Variants in EPHA5 observed in about 807,000 individuals in gnomAD.
EPHA5 encodes EPH receptor A5, also known as ephrin type-A receptor 5.
A neutral mutation model predicts 105.0 loss-of-function variants in EPHA5; 60 were observed. The observed-to-expected ratio is 0.57, with a 90% CI of 0.46 to 0.71. EPHA5 has a LOEUF of 0.71. Among genes scored for constraint, EPHA5 ranks in the 30% least tolerant of loss-of-function variants. The pLI is 0.00. For synonymous variants in EPHA5, 513 were observed against 449.1 expected (o/e 1.14, Z -1.80); for missense variants, 1,218 against 1,274.7 (o/e 0.96, Z 0.68).
chr4:65,536,343 A>C (rs986962838), intron 3 of EPHA5, among the ~76,000 whole-genome samples: 2 of 151,926 alleles, frequency 1.3e-5, no homozygotes, highest in Non-Finnish European at 2.9e-5. Flanking sequence ...CCTTTATTTA[A>C]ACATTTTTAA....
chr4:65,636,259 G>A (rs1339691030), intron 2 of EPHA5, among the ~76,000 whole-genome samples: 1 of 152,116 alleles, frequency 6.6e-6, no homozygotes, highest in Middle Eastern at 3.2e-3. Flanking sequence ...TGGTCTAACA[G>A]TGGATAGAAT....
At chr4:65,558,144 C>T (rs574699844) in intron 3 of EPHA5, among the ~76,000 whole-genome samples, 30 of 152,116 alleles carry the variant, frequency 2.0e-4, no homozygotes, top group African/African-American at 6.0e-4. Flanking sequence ...CCCAAAGTGG[C>T]GGGATTACAG....
intron 3 of EPHA5, among the ~76,000 whole-genome samples, chr4:65,559,647 T>G (rs899532068): frequency 6.6e-6 from 1 of 152,142 alleles, no homozygotes; most frequent in Non-Finnish European, 1.5e-5. Context: ...GATGTGCATA[T>G]GCAAAGGCCC....
At chr4:65,512,158 A>C (rs1733687329) in intron 3 of EPHA5, among the ~76,000 whole-genome samples, 1 of 152,168 alleles carries the variant, frequency 6.6e-6, no homozygotes, top group Admixed American at 6.5e-5. Flanking sequence ...CTTTGTTTAA[A>C]TATGAGGTAA....
intron 3 of EPHA5, among the ~76,000 whole-genome samples, chr4:65,510,629 A>G (rs1733526658): frequency 6.6e-6 from 1 of 152,200 alleles, no homozygotes; most frequent in Admixed American, 6.5e-5. Flanking sequence ...CTGGCAGCAG[A>G]AACTAAGCAC....
intron 3 of EPHA5, among the ~76,000 whole-genome samples, chr4:65,530,158 G>A (rs1478170869): frequency 6.6e-6 from 1 of 152,032 alleles, no homozygotes; most frequent in Non-Finnish European, 1.5e-5. Flanking sequence ...TTTTGGGGAG[G>A]AAACTCAAGA....
chr4:65,457,012 A>G (rs1727664380), intron 5 of EPHA5, among the ~76,000 whole-genome samples: 1 of 152,186 alleles, frequency 6.6e-6, no homozygotes, highest in African/African-American at 2.4e-5. Flanking sequence ...AAATCTGCAT[A>G]ACTAAAAAGA....
chr4:65,534,839 T>C (rs1474081901), intron 3 of EPHA5, among the ~76,000 whole-genome samples: 1 of 152,218 alleles, frequency 6.6e-6, no homozygotes, highest in Non-Finnish European at 1.5e-5. Flanking sequence ...ATATATTATG[T>C]TCACTGAAAA....
At chr4:65,603,480 A>G (rs1046609901) in intron 2 of EPHA5, among the ~76,000 whole-genome samples, 2 of 152,132 alleles carry the variant, frequency 1.3e-5, no homozygotes, top group Admixed American at 1.3e-4. Flanking sequence ...TGTAGATAAA[A>G]AAAACTTCAT....
intron 1 of EPHA5, among the ~76,000 whole-genome samples, chr4:65,649,641 CCTAT>C (rs1748419991): frequency 6.6e-6 from 1 of 152,120 alleles, no homozygotes; most frequent in Admixed American, 6.5e-5. Context: ...TGTCAACACC[CCTAT>C]CTATTATTTC....
At chr4:65,510,893 G>T (rs1733556866) in intron 3 of EPHA5, among the ~76,000 whole-genome samples, 1 of 152,140 alleles carries the variant, frequency 6.6e-6, no homozygotes, top group African/African-American at 2.4e-5. Flanking sequence ...TTTGAAGATG[G>T]GTCCTTAGGG....
At chr4:65,623,124 C>A (rs1266192418) in intron 2 of EPHA5, among the ~76,000 whole-genome samples, 4 of 151,978 alleles carry the variant, frequency 2.6e-5, no homozygotes, top group African/African-American at 9.7e-5. Context: ...AAAATCATAT[C>A]ACCACCAAAA....
intron 5 of EPHA5, among the ~76,000 whole-genome samples, chr4:65,483,413 T>A (rs890651561): frequency 6.6e-6 from 1 of 151,870 alleles, no homozygotes; most frequent in African/African-American, 2.4e-5. Flanking sequence ...ATTTCTAGTT[T>A]TAGATCCCTG....
At chr4:65,602,819 C>T (rs944286785) in intron 2 of EPHA5, among the ~76,000 whole-genome samples, 3 of 152,026 alleles carry the variant, frequency 2.0e-5, no homozygotes, top group Non-Finnish European at 4.4e-5. Flanking sequence ...TCTGTCATGT[C>T]ACAAATAACA....
intron 8 of EPHA5, among the ~76,000 whole-genome samples, chr4:65,374,122 A>G (rs905284604): frequency 2.0e-5 from 3 of 151,900 alleles, no homozygotes; most frequent in Admixed American, 6.6e-5. Flanking sequence ...GAGAAGTAAA[A>G]CTATGATTAG....
intron 1 of EPHA5, among the ~76,000 whole-genome samples, chr4:65,659,040 C>T (rs1749310448): frequency 6.6e-6 from 1 of 151,926 alleles, no homozygotes; most frequent in African/African-American, 2.4e-5. Context: ...TTGGCTTGGA[C>T]AGGAGATGAA....
intron 3 of EPHA5, among the ~76,000 whole-genome samples, chr4:65,564,385 A>C (rs934927211): frequency 6.6e-6 from 1 of 151,888 alleles, no homozygotes; most frequent in Non-Finnish European, 1.5e-5. Context: ...TAAATATTAC[A>C]TTAGGAGATT....
At chr4:65,495,631 T>G in intron 3 of EPHA5, 88 bp from the exon 4 acceptor site, 1 of 1,111,280 alleles carries the variant, frequency 9.0e-7, no homozygotes, top group Non-Finnish European at 1.3e-6. Context: ...GACTTGTATA[T>G]GCAGATTACA....
At chr4:65,360,191 A>T (rs1361291922) in intron 11 of EPHA5, among the ~76,000 whole-genome samples, 1 of 151,660 alleles carries the variant, frequency 6.6e-6, no homozygotes, top group African/African-American at 2.4e-5. Context: ...GATTTTCTCC[A>T]TTTAACATTA....
Sources: gnomAD v4.1 joint callset for allele counts (sites outside exome capture counted in the v4.1 genomes callset) on GRCh38, gnomAD v4.1.1 for gene constraint, MANE v1.5 for transcripts, NCBI Gene and HGNC (gene_info 2026-07-23, HGNC 2026-07-21) for gene names.